MIPOL1: variants seen among roughly 807,000 people sequenced by gnomAD.
MIPOL1 encodes the protein mirror-image polydactyly gene 1 protein.
In MIPOL1, 57 loss-of-function variants were observed where a neutral mutation model predicts 60.9. The observed-to-expected ratio is 0.94, with a 90% CI of 0.76 to 1.17. The LOEUF (loss-of-function observed/expected upper bound fraction) is 1.17. Among genes scored for constraint, MIPOL1 ranks in the 50% most tolerant of loss-of-function variants. MIPOL1 has a pLI of 0.00. For synonymous variants in MIPOL1, 179 were observed against 168.8 expected (o/e 1.06, Z -0.47); for missense variants, 551 against 511.6 (o/e 1.08, Z -0.74).
At chr14:37,411,209 T>G (rs767460149) in intron 10 of MIPOL1, among the ~76,000 whole-genome samples, 2 of 152,182 alleles carry the variant, frequency 1.3e-5, no homozygotes, top group Non-Finnish European at 2.9e-5. Flanking sequence ...AACATTTTGT[T>G]TATTTTGCAT....
intron 9 of MIPOL1, among the ~76,000 whole-genome samples, chr14:37,364,679 T>A (rs1195605535): frequency 6.6e-6 from 1 of 152,238 alleles, no homozygotes; most frequent in Non-Finnish European, 1.5e-5. Flanking sequence ...TTTGTTCTTT[T>A]TGCTTAGGGT....
At chr14:37,524,173 G>T (rs2095431429) in intron 12 of MIPOL1, among the ~76,000 whole-genome samples, 2 of 152,122 alleles carry the variant, frequency 1.3e-5, no homozygotes, top group Admixed American at 1.3e-4. Context: ...ATTCTGATTT[G>T]CATTTTTAAA....
At chr14:37,263,705 G>T (rs947863646) in intron 3 of MIPOL1, among the ~76,000 whole-genome samples, 2 of 152,128 alleles carry the variant, frequency 1.3e-5, no homozygotes, top group South Asian at 2.1e-4. Context: ...AGTCCATATG[G>T]ATAAATGAAG....
At chr14:37,356,219 G>A (rs1293114360) in intron 9 of MIPOL1, among the ~76,000 whole-genome samples, 5 of 152,030 alleles carry the variant, frequency 3.3e-5, no homozygotes, top group East Asian at 1.9e-4. Flanking sequence ...TAGGCTTCTC[G>A]GGGGTCAGGG....
chr14:37,497,351 T>C (rs1277732756), intron 11 of MIPOL1, among the ~76,000 whole-genome samples: 1 of 152,234 alleles, frequency 6.6e-6, no homozygotes, highest in African/African-American at 2.4e-5. Context: ...GTTACTGCTT[T>C]AGGCATGATA....
chr14:37,348,846 T>G (rs1595295018), intron 9 of MIPOL1, among the ~76,000 whole-genome samples: 2 of 109,802 alleles, frequency 1.8e-5, no homozygotes, highest in Non-Finnish European at 3.7e-5. Flanking sequence ...TTTTTTTTTT[T>G]GGACAGAGTC....
intron 6 of MIPOL1, among the ~76,000 whole-genome samples, chr14:37,275,975 A>G (rs1475187770): frequency 2.6e-5 from 4 of 151,300 alleles, no homozygotes; most frequent in Admixed American, 2.0e-4. Flanking sequence ...AGAGAAATCC[A>G]GGTTCCTGAT....
At chr14:37,216,910 T>C (rs1384480169) in intron 1 of MIPOL1, among the ~76,000 whole-genome samples, 2 of 152,024 alleles carry the variant, frequency 1.3e-5, no homozygotes, top group Non-Finnish European at 2.9e-5. Context: ...CCAACATTAC[T>C]AGAGGAAAAG....
chr14:37,257,095 T>TTTTGTG (rs1555371897), intron 3 of MIPOL1, among the ~76,000 whole-genome samples: 1 of 137,708 alleles, frequency 7.3e-6, no homozygotes, highest in Admixed American at 7.5e-5. Flanking sequence ...TGGTTTTGTT[T>TTTTGTG]TGTGTGTGTG....
At chr14:37,535,361 C>T (rs916065131) in intron 12 of MIPOL1, among the ~76,000 whole-genome samples, 1 of 152,118 alleles carries the variant, frequency 6.6e-6, no homozygotes, top group Non-Finnish European at 1.5e-5. Context: ...TCTATTTAAT[C>T]TCAACAATAA....
chr14:37,355,957 T>C (rs7144743), intron 9 of MIPOL1, among the ~76,000 whole-genome samples: 20,881 of 132,040 alleles, frequency 0.16, 1,697 homozygotes, highest in South Asian at 0.24. Flanking sequence ...TGAGGAACTG[T>C]GTTCCTTTGG....
chr14:37,310,802 C>G (rs1459778000), intron 9 of MIPOL1, among the ~76,000 whole-genome samples: 1 of 152,092 alleles, frequency 6.6e-6, no homozygotes, highest in Non-Finnish European at 1.5e-5. Context: ...CTGGACGATC[C>G]TGTATTCTAG....
At chr14:37,350,012 C>T (rs1421971042) in intron 9 of MIPOL1, among the ~76,000 whole-genome samples, 1 of 152,060 alleles carries the variant, frequency 6.6e-6, no homozygotes, top group Non-Finnish European at 1.5e-5. Flanking sequence ...GATTAATTTA[C>T]ATTTGGTAAA....
intron 11 of MIPOL1, among the ~76,000 whole-genome samples, chr14:37,480,264 A>G (rs531982170): frequency 1.3e-5 from 2 of 152,260 alleles, no homozygotes; most frequent in South Asian, 2.1e-4. Context: ...AAAGAAAATT[A>G]CAGGCCACTA....
chr14:37,521,207 G>T (rs2095411084), intron 12 of MIPOL1, among the ~76,000 whole-genome samples: 1 of 150,110 alleles, frequency 6.7e-6, no homozygotes, highest in African/African-American at 2.5e-5. Flanking sequence ...AAAGTGCTGG[G>T]ATTATAGGTG....
At chr14:37,234,089 TTGTC>T (rs1272589043) in intron 1 of MIPOL1, among the ~76,000 whole-genome samples, 1 of 152,208 alleles carries the variant, frequency 6.6e-6, no homozygotes, top group African/African-American at 2.4e-5. Context: ...AGCTCTGCTG[TTGTC>T]TGCAGCTGAT....
intron 9 of MIPOL1, among the ~76,000 whole-genome samples, chr14:37,327,731 A>G (rs1252649723): frequency 2.0e-5 from 3 of 152,186 alleles, no homozygotes; most frequent in Non-Finnish European, 4.4e-5. Context: ...AAAATAGTGA[A>G]CCAGATGGTC....
intron 9 of MIPOL1, among the ~76,000 whole-genome samples, chr14:37,354,025 C>T (rs1027683621): frequency 6.6e-6 from 1 of 151,288 alleles, no homozygotes; most frequent in Non-Finnish European, 1.5e-5. Flanking sequence ...ATCTTTCCTG[C>T]TTTCTCTTGT....
At chr14:37,545,340 A>G (rs1363566673) in intron 12 of MIPOL1, among the ~76,000 whole-genome samples, 3 of 152,158 alleles carry the variant, frequency 2.0e-5, no homozygotes, top group African/African-American at 7.2e-5. Context: ...ATTGCCTTAA[A>G]GGATTCATGT....
Sources: allele counts gnomAD v4.1 joint callset (sites outside exome capture counted in the v4.1 genomes callset), GRCh38; gene constraint gnomAD v4.1.1; transcripts MANE v1.5; gene names NCBI Gene and HGNC (gene_info 2026-07-23, HGNC 2026-07-21).